The following CRTC1 variants were observed in gnomAD, a reference collection of about 807,000 sequenced individuals.
CRTC1 encodes the protein CREB-regulated transcription coactivator 1.
Under a neutral mutation model 66.1 loss-of-function variants are expected in CRTC1, and 18 were observed. The ratio of observed to expected loss-of-function variants is 0.27; its 90% CI spans 0.19 to 0.40. CRTC1 has a LOEUF of 0.40. Among genes scored for constraint, CRTC1 ranks in the 10% least tolerant of loss-of-function variants. The pLI is 1.00. For missense variants in CRTC1, 669 were observed against 887.9 expected (o/e 0.75, Z 3.13); for synonymous variants, 416 against 398.8 (o/e 1.04, Z -0.51).
chr19:18,770,661 G>A (rs542453236), intron 10 of CRTC1, among the ~76,000 whole-genome samples: 9 of 152,162 alleles, frequency 5.9e-5, no homozygotes, highest in Admixed American at 1.3e-4. Flanking sequence ...GAATGTGTGT[G>A]CATGTGTGCA....
chr19:18,757,564 T>C (rs1414989558), intron 6 of CRTC1, among the ~76,000 whole-genome samples: 1 of 152,128 alleles, frequency 6.6e-6, no homozygotes, highest in African/African-American at 2.4e-5. Flanking sequence ...TGATTTTCTT[T>C]CCCATTGCTG....
chr19:18,724,131 G>A (rs2053690176), intron 1 of CRTC1, among the ~76,000 whole-genome samples: 1 of 152,164 alleles, frequency 6.6e-6, no homozygotes, highest in African/African-American at 2.4e-5. Flanking sequence ...GGGAACCGGC[G>A]GGGCGGACAG....
At chr19:18,755,642 G>A (rs949978086) in intron 6 of CRTC1, among the ~76,000 whole-genome samples, 9 of 131,056 alleles carry the variant, frequency 6.9e-5, no homozygotes, top group African/African-American at 1.8e-4. Context: ...TCACTCTTTC[G>A]CCCAGGCTGG....
chr19:18,751,564 C>G (rs902862429), intron 5 of CRTC1, among the ~76,000 whole-genome samples: 4 of 152,128 alleles, frequency 2.6e-5, no homozygotes, highest in African/African-American at 9.7e-5. Flanking sequence ...TTTACTCTTA[C>G]CTTGACTGAA....
In CRTC1 at chr19:18,779,333, G is replaced by C. The variant is rs1335603887; in HGVS notation, c.*1951G>C. 1 of 227,828 alleles carries C rather than the reference G, an allele frequency of 4.4e-6. No homozygotes were observed. The highest frequency in any genetic ancestry group is 2.2e-5 in the African/African-American group (1 of 45,020). The allele number at this position is 227,828 out of a possible 1,614,324, so 14.1% of individuals were successfully genotyped here. On this transcript the variant is annotated 3_prime_UTR_variant, in exon 14 of 14. Coordinates refer to ENST00000321949, the MANE Select transcript of CRTC1 (RefSeq NM_015321.3). ...AGCCAAGTGGCCACTCATAGGAGAA[G>C]GCTCCCTGGTCACGTTGCTCCTGCT...
chr19:18,685,290 C>T (rs1243895997), intron 1 of CRTC1, among the ~76,000 whole-genome samples: 1 of 152,014 alleles, frequency 6.6e-6, no homozygotes, highest in Non-Finnish European at 1.5e-5. Flanking sequence ...CATCTGTCCT[C>T]CCAGCTCCAA....
At chr19:18,725,265 C>T (rs1405657307) in intron 1 of CRTC1, among the ~76,000 whole-genome samples, 1 of 152,172 alleles carries the variant, frequency 6.6e-6, no homozygotes, top group African/African-American at 2.4e-5. Context: ...ACCTCCAGCC[C>T]CTTCTCTCCC....
At chr19:18,685,319 A>T (rs1248460906) in intron 1 of CRTC1, among the ~76,000 whole-genome samples, 1 of 152,070 alleles carries the variant, frequency 6.6e-6, no homozygotes, top group Non-Finnish European at 1.5e-5. Flanking sequence ...ATTCTTGCTC[A>T]GGATGTAGAG....
At chr19:18,755,258 G>GGA (rs138356964) in intron 6 of CRTC1, among the ~76,000 whole-genome samples, 220 of 152,176 alleles carry the variant, frequency 1.4e-3, no homozygotes, top group Non-Finnish European at 2.6e-3. Context: ...CAAAGTGCTG[G>GGA]GATGACAGGC....
rs2055020836 is a variant in CRTC1, at chr19:18,777,570, G to A, written c.*188G>A. On this transcript the variant is annotated 3_prime_UTR_variant, in exon 14 of 14. Transcript: ENST00000321949. The surrounding 1 kb of genome is among the most constrained non-coding windows in gnomAD (Gnocchi z 5.5). ...AAGCCCAATCGCGAGGCCGCGAGCC[G>A]GGCCGTCCACCCACCCGCCCGCCCA... The A allele has an allele frequency of 1.7e-5, 10 of 582,662 alleles. No homozygotes were observed. Among genetic ancestry groups the A allele is most frequent in the South Asian group, 6.3e-5 (3 of 47,540 alleles). The allele number at this position is 582,662 out of a possible 1,614,324, so 36.1% of individuals were successfully genotyped here. A position where few individuals can be genotyped will look rare whatever the true frequency, so the allele number is the denominator to read the frequency against.
intron 8 of CRTC1, among the ~76,000 whole-genome samples, chr19:18,764,929 C>A (rs913278610): frequency 6.6e-6 from 1 of 151,604 alleles, no homozygotes; most frequent in African/African-American, 2.4e-5. Context: ...CATTTTCAGC[C>A]AAAAAAAACC....
rs1056847686 is a variant in CRTC1, at chr19:18,779,535, A to C, written c.*2153A>C. On this transcript the variant is annotated 3_prime_UTR_variant, in exon 14 of 14. Transcript: ENST00000321949. ...TTAGACTTGTATGTAGGACTTAAAA[A>C]AAAATGGCCTTAATAAAATTACAAG... 4.6e-6 allele frequency: 1 copy of C among 217,322 alleles called. No individual in the cohort carries two copies. The highest frequency in any genetic ancestry group is 9.2e-6 in the Non-Finnish European group (1 of 108,122). 13.5% of individuals were successfully genotyped at this position (217,322 alleles called of 1,614,324 possible).
At chr19:18,758,716 C>CT (rs1363593268) in intron 6 of CRTC1, among the ~76,000 whole-genome samples, 2 of 152,206 alleles carry the variant, frequency 1.3e-5, no homozygotes, top group Non-Finnish European at 2.9e-5. Flanking sequence ...GACCTCTGAA[C>CT]TGAGTTTAGG....
intron 1 of CRTC1, among the ~76,000 whole-genome samples, chr19:18,711,817 G>A (rs2053399351): frequency 6.6e-6 from 1 of 152,198 alleles, no homozygotes; most frequent in Admixed American, 6.5e-5. Context: ...GTGGCTTCCT[G>A]GTTAGATGGC....
intron 1 of CRTC1, among the ~76,000 whole-genome samples, chr19:18,710,137 A>T (rs2053357124): frequency 6.6e-6 from 1 of 150,736 alleles, no homozygotes. Flanking sequence ...TCCCAGCTCC[A>T]GCGTCACCTC....
chr19:18,731,925 C>T (rs1224572214), intron 1 of CRTC1, among the ~76,000 whole-genome samples: 7 of 152,224 alleles, frequency 4.6e-5, no homozygotes, highest in Non-Finnish European at 1.0e-4. Context: ...CCACCCTGCA[C>T]CCCGGGGGCT....
intron 1 of CRTC1, among the ~76,000 whole-genome samples, chr19:18,735,277 C>T (rs1454070317): frequency 1.3e-5 from 2 of 152,204 alleles, no homozygotes; most frequent in African/African-American, 2.4e-5. Context: ...CCCTGTCTCC[C>T]TTCTCACACT....
chr19:18,753,701 C>G, intron 6 of CRTC1, 116 bp downstream of exon 6: 2 of 681,846 alleles, frequency 2.9e-6, no homozygotes, highest in Non-Finnish European at 2.6e-6. Flanking sequence ...AGACAGGGAA[C>G]CTCACTCCGA....
At chr19:18,688,099 G>A (rs951971619) in intron 1 of CRTC1, among the ~76,000 whole-genome samples, 1 of 152,122 alleles carries the variant, frequency 6.6e-6, no homozygotes, top group Non-Finnish European at 1.5e-5. Flanking sequence ...CAGGGCATAC[G>A]GGGCTGTGTT....
Sources: gnomAD v4.1 joint callset for allele counts (sites outside exome capture counted in the v4.1 genomes callset) on GRCh38, gnomAD v4.1.1 for gene constraint, Gnocchi (gnomAD v3.1) non-coding constraint, MANE v1.5 for transcripts, NCBI Gene and HGNC (gene_info 2026-07-23, HGNC 2026-07-21) for gene names.